SNX3: variants seen among roughly 807,000 people sequenced by gnomAD.
SNX3 encodes sorting nexin 3, also known as sorting nexin-3.
SNX3 carries 5 observed loss-of-function variants against 17.7 expected under a neutral mutation model. That is an observed-to-expected ratio of 0.28 (90% CI 0.15 to 0.59). SNX3 has a LOEUF of 0.59. SNX3 is among the 20% of genes least tolerant of loss of function. The probability of loss-of-function intolerance (pLI) is 0.88; values close to 1 mark genes in which losing one functional copy is unlikely to be tolerated. For missense variants in SNX3, 132 were observed against 206.8 expected, an observed-to-expected ratio of 0.64 and a Z score of 2.22; for synonymous variants, 91 against 76.5, an observed-to-expected ratio of 1.19 and a Z score of -0.99.
chr6:108,243,246 T>C (rs1003173075), intron 1 of SNX3, among the ~76,000 whole-genome samples: 9 of 152,032 alleles, frequency 5.9e-5, no homozygotes, highest in African/African-American at 2.2e-4. Context: ...GATGAGACTA[T>C]AGGCACAAAC....
chr6:108,253,279 C>T (rs985536815), intron 1 of SNX3, among the ~76,000 whole-genome samples: 1 of 152,074 alleles, frequency 6.6e-6, no homozygotes, highest in Non-Finnish European at 1.5e-5. Context: ...ACAGTAATCC[C>T]AACTACTTGG....
At chr6:108,245,892 G>A (rs1424300783) in intron 1 of SNX3, among the ~76,000 whole-genome samples, 1 of 152,132 alleles carries the variant, frequency 6.6e-6, no homozygotes, top group Non-Finnish European at 1.5e-5. Context: ...CATTCTGTAG[G>A]TTGCCTGTTC....
intron 1 of SNX3, among the ~76,000 whole-genome samples, chr6:108,240,385 ATTTTTGTATTTTTAGTAGATATGGAGTT>A: frequency 6.6e-6 from 1 of 152,034 alleles, no homozygotes; most frequent in African/African-American, 2.4e-5. Context: ...CGCCTGGCTA[ATTTTTGTATTTTTAGTAGATATGGAGTT>A]TCACCATGTT....
intron 3 of SNX3, 47 bp downstream of exon 3, chr6:108,214,451 T>TA (rs1774502926): frequency 2.5e-6 from 4 of 1,581,320 alleles, no homozygotes; most frequent in African/African-American, 1.4e-5. Flanking sequence ...AAACTACAAG[T>TA]AGTCACTTAA....
At chr6:108,259,643 TAAG>T (rs1448265228) in intron 1 of SNX3, among the ~76,000 whole-genome samples, 2 of 152,216 alleles carry the variant, frequency 1.3e-5, no homozygotes, top group African/African-American at 4.8e-5. Flanking sequence ...GCTAACTACG[TAAG>T]AATCATTTTT....
At chr6:108,221,517 G>A (rs1287696871) in intron 2 of SNX3, among the ~76,000 whole-genome samples, 1 of 136,074 alleles carries the variant, frequency 7.3e-6, no homozygotes, top group Admixed American at 7.9e-5. Flanking sequence ...GTATTACAAG[G>A]AATACAGTAT....
intron 3 of SNX3, 89 bp from the exon 4 acceptor site, chr6:108,212,343 A>G (rs1774431916): frequency 4.3e-6 from 4 of 935,904 alleles, no homozygotes; most frequent in Non-Finnish European, 1.6e-6. Flanking sequence ...AAGCATGTAT[A>G]ATTTTTTTTT....
intron 3 of SNX3, 73 bp from the exon 4 acceptor site, chr6:108,212,327 G>T: frequency 9.7e-7 from 1 of 1,034,632 alleles, no homozygotes; most frequent in Non-Finnish European, 1.4e-6. Context: ...ATATTTTAAA[G>T]TTGAGAAGCA....
At chr6:108,236,382 T>TATTA (rs1480883371) in intron 1 of SNX3, among the ~76,000 whole-genome samples, 120 of 137,684 alleles carry the variant, frequency 8.7e-4, no homozygotes, top group African/African-American at 3.3e-3. Context: ...ATTATTATTT[T>TATTA]TTTTTTTTTT....
At chr6:108,251,077 A>G (rs916497763) in intron 1 of SNX3, among the ~76,000 whole-genome samples, 8 of 152,142 alleles carry the variant, frequency 5.3e-5, no homozygotes, top group Admixed American at 5.2e-4. Context: ...TGGAAGGAAA[A>G]AAAAAAAGGT....
At chr6:108,257,311 G>A (rs1357310332) in intron 1 of SNX3, among the ~76,000 whole-genome samples, 2 of 152,142 alleles carry the variant, frequency 1.3e-5, no homozygotes, top group Admixed American at 6.5e-5. Context: ...CTTGAGGCCA[G>A]GAGTTCAAGA....
chr6:108,238,243 G>A (rs1239045800), intron 1 of SNX3, among the ~76,000 whole-genome samples: 1 of 151,710 alleles, frequency 6.6e-6, no homozygotes, highest in African/African-American at 2.4e-5. Flanking sequence ...AGAATTATAA[G>A]AGGATACCCA....
intron 1 of SNX3, among the ~76,000 whole-genome samples, chr6:108,251,626 G>GA (rs1316018672): frequency 2.0e-5 from 3 of 152,096 alleles, no homozygotes; most frequent in East Asian, 3.9e-4. Context: ...TCCATGTGGA[G>GA]AAAAAAACCA....
At chr6:108,240,459 T>C (rs1219941365) in intron 1 of SNX3, among the ~76,000 whole-genome samples, 2 of 152,182 alleles carry the variant, frequency 1.3e-5, no homozygotes, top group Non-Finnish European at 2.9e-5. Flanking sequence ...CCTCAGGTGA[T>C]CCACACGCCC....
At chr6:108,219,805 A>G (rs1028519881) in intron 2 of SNX3, among the ~76,000 whole-genome samples, 2 of 152,278 alleles carry the variant, frequency 1.3e-5, no homozygotes, top group Non-Finnish European at 2.9e-5. Flanking sequence ...ATATTCCACT[A>G]ATCTATTTGC....
At chr6:108,227,156 C>A (rs1197297549) in intron 1 of SNX3, among the ~76,000 whole-genome samples, 1 of 152,118 alleles carries the variant, frequency 6.6e-6, no homozygotes. Flanking sequence ...TTCACCCTTC[C>A]GCATTAAAAT....
chr6:108,244,001 G>C (rs1230871173), intron 1 of SNX3, among the ~76,000 whole-genome samples: 1 of 152,116 alleles, frequency 6.6e-6, no homozygotes, highest in Non-Finnish European at 1.5e-5. Context: ...AAGAAAACTG[G>C]ACTGGCTATA....
rs571821544 is a variant in SNX3 at position 108,228,848 on chromosome 6, A to AC, written c.163-5804dup. ...AGCATTGTAATAGACACAAAAAAAAACCCCAAAAAAGACCAGAAACAATAA... is the reference window on the plus strand; with the variant it reads ...AGCATTGTAATAGACACAAAAAAAAACCCCCAAAAAAGACCAGAAACAATAA... On this transcript the variant is annotated intron_variant, in intron 1 of 3. Coordinates refer to ENST00000230085, the MANE Select transcript of SNX3 (RefSeq NM_003795.6). 2.3e-3 allele frequency among the ~76,000 whole-genome samples: 342 copies of AC among 151,928 alleles called. 2 individuals are homozygous for AC. Among genetic ancestry groups the AC allele is most frequent in the African/African-American group, 7.9e-3 (328 of 41,396 alleles).
chr6:108,222,011 C>T (rs1774792636), intron 2 of SNX3, among the ~76,000 whole-genome samples: 1 of 152,116 alleles, frequency 6.6e-6, no homozygotes, highest in Non-Finnish European at 1.5e-5. Flanking sequence ...CCTGACTCGG[C>T]CTACCAAAGT....
Sources: gnomAD v4.1 joint callset for allele counts (sites outside exome capture counted in the v4.1 genomes callset) on GRCh38, gnomAD v4.1.1 for gene constraint, MANE v1.5 for transcripts, NCBI Gene and HGNC (gene_info 2026-07-23, HGNC 2026-07-21) for gene names.